KALRN: variants seen among roughly 807,000 people sequenced by gnomAD.
The protein encoded by KALRN is kalirin.
KALRN carries 70 observed loss-of-function variants against 353.7 expected under a neutral mutation model. That is an observed-to-expected ratio of 0.20 (90% CI 0.16 to 0.24). The LOEUF is 0.24. Among genes scored for constraint, KALRN ranks in the 10% least tolerant of loss-of-function variants. KALRN has a pLI of 1.00. For synonymous variants in KALRN, 1,391 were observed against 1,434.8 expected (o/e 0.97, Z 0.69); for missense variants, 2,791 against 3,756.7 (o/e 0.74, Z 6.72).
intron 25 of KALRN, among the ~76,000 whole-genome samples, chr3:124,463,904 T>C (rs2060087864): frequency 6.6e-6 from 1 of 152,182 alleles, no homozygotes; most frequent in African/African-American, 2.4e-5. Flanking sequence ...AGCAATACGC[T>C]CTGGGGGAAA....
rs905317161 is a variant in KALRN at position 124,580,182 on chromosome 3, C to T, written c.5182+17093C>T. 7.9e-5 allele frequency among the ~76,000 whole-genome samples: 12 copies of T among 152,292 alleles called. 1 individual carries two copies. The highest frequency in any genetic ancestry group is 6.5e-4 in the Admixed American group (10 of 15,296). ...AAATCAGCAGCTCTGGGAATGGAGCCTAATAATCTGTGTTTTAACACACCC... is the reference window on the plus strand; with the variant it reads ...AAATCAGCAGCTCTGGGAATGGAGCTTAATAATCTGTGTTTTAACACACCC... On this transcript the variant is annotated intron_variant, in intron 34 of 59. Transcript: ENST00000682506.
intron 15 of KALRN, among the ~76,000 whole-genome samples, chr3:124,425,436 C>G (rs1216941834): frequency 6.6e-6 from 1 of 152,128 alleles, no homozygotes; most frequent in Non-Finnish European, 1.5e-5. Flanking sequence ...GCTGAATGGT[C>G]TGAGGTTTTC....
At chr3:124,047,391 A>G (rs1466974811) in intron 1 of KALRN, among the ~76,000 whole-genome samples, 1 of 152,124 alleles carries the variant, frequency 6.6e-6, no homozygotes, top group African/African-American at 2.4e-5. Context: ...GACTCATTTA[A>G]TATGTATTTA....
intron 10 of KALRN, among the ~76,000 whole-genome samples, chr3:124,354,199 G>A (rs895524876): frequency 2.0e-5 from 3 of 152,174 alleles, no homozygotes; most frequent in African/African-American, 7.2e-5. Context: ...AGAAGAAATT[G>A]GGGTTTTATT....
At chr3:124,151,605 G>A (rs139708633) in intron 1 of KALRN, among the ~76,000 whole-genome samples, 131 of 152,082 alleles carry the variant, frequency 8.6e-4, no homozygotes, top group African/African-American at 2.9e-3. Flanking sequence ...AGTCCTTTGT[G>A]GAATATATGT....
chr3:124,399,607 G>A (rs968954248), intron 13 of KALRN, among the ~76,000 whole-genome samples: 3 of 152,194 alleles, frequency 2.0e-5, no homozygotes, highest in African/African-American at 7.2e-5. Flanking sequence ...TATAAATCAT[G>A]CGTTAGATTC....
Position 124,269,387 on chromosome 3 carries a change from T to A in KALRN, c.969+132T>A, listed in dbSNP as rs548973943. ...CAGTGTGCCTACTAGTTTTAGCTAA[T>A]GTAATTTTTTTAAGCTCACCCTTAT... On this transcript the variant is annotated intron_variant, in intron 5 of 59. Transcript: ENST00000682506. The A allele has an allele frequency of 2.9e-4, 283 of 984,658 alleles. 4 individuals are homozygous for A. In the African/African-American group the frequency reaches 4.2e-3, roughly 15 times the overall value. The allele number at this position is 984,658 out of a possible 1,614,324, so 61.0% of individuals were successfully genotyped here.
At chr3:124,067,853 C>G (rs1459304359) in intron 1 of KALRN, among the ~76,000 whole-genome samples, 1 of 152,218 alleles carries the variant, frequency 6.6e-6, no homozygotes, top group African/African-American at 2.4e-5. Flanking sequence ...ATGGCTTGGG[C>G]AGAGGACTGG....
chr3:124,651,085 C>T, intron 38 of KALRN, 147 bp downstream of exon 38: 1 of 966,012 alleles, frequency 1.0e-6, no homozygotes. Context: ...CAGCATAGCA[C>T]TGATAAACAT....
chr3:124,413,214 A>G (rs1253051766), intron 13 of KALRN, among the ~76,000 whole-genome samples: 2 of 152,234 alleles, frequency 1.3e-5, no homozygotes, highest in African/African-American at 4.8e-5. Flanking sequence ...TTTATAAGCC[A>G]TAATTCATAA....
chr3:124,599,968 C>T (rs1437559351), intron 34 of KALRN, among the ~76,000 whole-genome samples: 2 of 152,172 alleles, frequency 1.3e-5, no homozygotes, highest in Non-Finnish European at 2.9e-5. Context: ...GTGAGGTGGT[C>T]AAGTCTAAAT....
chr3:124,537,623 G>C (rs1264400908), intron 33 of KALRN, among the ~76,000 whole-genome samples: 1 of 152,114 alleles, frequency 6.6e-6, no homozygotes, highest in Admixed American at 6.6e-5. Context: ...AAGGAAGGAA[G>C]GAACTATTCC....
intron 33 of KALRN, among the ~76,000 whole-genome samples, chr3:124,539,566 G>A (rs1242914738): frequency 6.6e-6 from 1 of 152,198 alleles, no homozygotes. Context: ...GGGGAATGCA[G>A]ATACTTTGCC....
At position 124,694,614 on chromosome 3, in the gene KALRN, T is replaced by C. The variant is rs1035864281; in HGVS notation, c.7577+111T>C. The C allele has an allele frequency of 6.7e-6, 7 of 1,044,958 alleles. No homozygotes were observed. The African/African-American group carries it at 9.5e-5, about 14-fold the overall frequency. 64.7% of individuals were successfully genotyped at this position (1,044,958 alleles called of 1,614,324 possible). A position where few individuals can be genotyped will look rare whatever the true frequency, so the allele number is the denominator to read the frequency against. ...CTGGTGACTGGGCTCTGCAAGAGAA[T>C]AGCTGCCCTGGAGCCTGTTCTTGGG... On this transcript the variant is annotated intron_variant, in intron 53 of 59. Coordinates refer to ENST00000682506, the MANE Select transcript of KALRN (RefSeq NM_001388419.1).
Position 124,047,671 on chromosome 3 carries a change from T to A in KALRN, c.73+13858T>A, listed in dbSNP as rs549175536. 2.3e-3 allele frequency among the ~76,000 whole-genome samples: 326 copies of A among 142,788 alleles called. 1 individual carries two copies. The highest frequency in any genetic ancestry group is 7.5e-3 in the African/African-American group (290 of 38,582). 93.7% of individuals were successfully genotyped at this position (142,788 alleles called of 152,430 possible). On this transcript the variant is annotated intron_variant, in intron 1 of 59. Transcript: ENST00000682506. ...CCACGCCTGGCTAATTTTTTTTTAT[T>A]TTTTTTTATTTTTAGTAGAGACAGG...
At chr3:124,543,293 A>C (rs1274084116) in intron 33 of KALRN, among the ~76,000 whole-genome samples, 3 of 152,030 alleles carry the variant, frequency 2.0e-5, no homozygotes, top group Non-Finnish European at 4.4e-5. Flanking sequence ...GGTATTAAAA[A>C]AATTTACGGA....
intron 51 of KALRN, among the ~76,000 whole-genome samples, chr3:124,681,450 G>T (rs985673109): frequency 2.6e-5 from 4 of 152,086 alleles, no homozygotes; most frequent in African/African-American, 9.7e-5. Context: ...AAATTGTGTT[G>T]ATGCATGTCC....
At chr3:124,485,281 A>G (rs915795229) in intron 28 of KALRN, among the ~76,000 whole-genome samples, 1 of 152,268 alleles carries the variant, frequency 6.6e-6, no homozygotes, top group African/African-American at 2.4e-5. Context: ...TGACTCAACT[A>G]TCCACACTGC....
At chr3:124,402,664 C>G (rs2091020921) in intron 13 of KALRN, among the ~76,000 whole-genome samples, 1 of 152,156 alleles carries the variant, frequency 6.6e-6, no homozygotes, top group East Asian at 1.9e-4. Context: ...TTTGAACTTG[C>G]AACCCCCTAC....
Sources: gnomAD v4.1 joint callset for allele counts (sites outside exome capture counted in the v4.1 genomes callset) on GRCh38, gnomAD v4.1.1 for gene constraint, MANE v1.5 for transcripts, NCBI Gene and HGNC (gene_info 2026-07-23, HGNC 2026-07-21) for gene names.